Variants in TLR6 observed in about 807,000 individuals in gnomAD.
TLR6 encodes the protein toll-like receptor 6.
A neutral mutation model predicts 16.1 loss-of-function variants in TLR6; 9 were observed. The observed-to-expected ratio is 0.56, with a 90% CI of 0.34 to 0.98. TLR6 has a LOEUF of 0.98. Ranked by LOEUF, TLR6 falls within the 50% of genes least tolerant of loss-of-function variation. The probability of loss-of-function intolerance (pLI) is 0.02; values close to 1 mark genes in which losing one functional copy is unlikely to be tolerated. For missense variants in TLR6, 786 were observed against 921.0 expected (o/e 0.85, Z 1.90); for synonymous variants, 340 against 338.6 (o/e 1.00, Z -0.04).
rs5743821 is a variant in TLR6, at chr4:38,827,206, C to A, written c.2268G>T (p.Thr756=). ...TGGGCCACTGCAAATAAGTCCGCTGCGTCATGAGAGCCTTCAGCTTGTGGT... is the reference window on the plus strand; with the variant it reads ...TGGGCCACTGCAAATAAGTCCGCTGAGTCATGAGAGCCTTCAGCTTGTGGT... Residue 756 remains threonine (T), a synonymous_variant, in exon 2 of 2, where the codon ACG becomes ACT. Coordinates refer to ENST00000436693, the Ensembl canonical transcript of TLR6. The A allele has an allele frequency of 8.9e-4, 1,434 of 1,614,140 alleles. 9 individuals are homozygous for A. Among genetic ancestry groups the A allele is most frequent in the South Asian group, 6.1e-3 (553 of 91,080 alleles).
chr4:38,837,262 C>A (rs1285980014), intron 1 of TLR6, among the ~76,000 whole-genome samples: 1 of 151,996 alleles, frequency 6.6e-6, no homozygotes, highest in African/African-American at 2.4e-5. Context: ...AACCAGAAAA[C>A]ACCCCAAATA....
intron 1 of TLR6, among the ~76,000 whole-genome samples, chr4:38,834,259 A>T (rs1161650532): frequency 6.0e-5 from 9 of 149,808 alleles, no homozygotes; most frequent in African/African-American, 2.0e-4. Context: ...TATATATATA[A>T]AATTAAAAAT....
At chr4:38,861,329 C>T (rs1298537645), upstream of TLR6, among the ~76,000 whole-genome samples, 1 of 152,088 alleles carries the variant, frequency 6.6e-6, no homozygotes, top group Non-Finnish European at 1.5e-5. Flanking sequence ...TTGTCCTGCA[C>T]CCTACCTCAG....
chr4:38,862,406 G>A, the TLR6 span, among the ~76,000 whole-genome samples: 6 of 151,838 alleles, frequency 4.0e-5, no homozygotes, highest in East Asian at 5.8e-4. Context: ...TCAGCCTTCT[G>A]AGTAGCCTGG....
chr4:38,827,709 C>T (rs766531923), exon 2 of TLR6: 31 of 1,614,066 alleles, frequency 1.9e-5, no homozygotes, highest in South Asian at 6.6e-5. Flanking sequence ...CCGATGGTGA[C>T]GATCAGCAGA....
At chr4:38,855,134 C>G (rs1040349552) in intron 1 of TLR6, among the ~76,000 whole-genome samples, 1 of 151,706 alleles carries the variant, frequency 6.6e-6, no homozygotes, top group East Asian at 1.9e-4. Context: ...ATGGCGTGAA[C>G]CCGGGAGGCG....
intron 1 of TLR6, among the ~76,000 whole-genome samples, chr4:38,850,916 A>C (rs1712744487): frequency 6.6e-6 from 1 of 152,212 alleles, no homozygotes; most frequent in South Asian, 2.1e-4. Flanking sequence ...AGCCTGGCAG[A>C]GACACAACAA....
intron 1 of TLR6, among the ~76,000 whole-genome samples, chr4:38,830,825 C>A (rs979859852): frequency 4.6e-5 from 7 of 152,052 alleles, no homozygotes; most frequent in African/African-American, 1.2e-4. Context: ...AAATAAAAAT[C>A]AAAACAAAAT....
At chr4:38,846,649 G>A (rs1288785450) in intron 1 of TLR6, among the ~76,000 whole-genome samples, 1 of 152,134 alleles carries the variant, frequency 6.6e-6, no homozygotes, top group African/African-American at 2.4e-5. Flanking sequence ...ATTTAGCAAA[G>A]AAAAGTAGTA....
At chr4:38,829,804 T>C (rs1174007627) in intron 1 of TLR6, among the ~76,000 whole-genome samples, 2 of 152,244 alleles carry the variant, frequency 1.3e-5, no homozygotes, top group Non-Finnish European at 2.9e-5. Flanking sequence ...GGGCTTGCCT[T>C]TGTTTTGTAC....
chr4:38,829,062 T>G (rs371595778), exon 2 of TLR6: 2 of 1,614,062 alleles, frequency 1.2e-6, no homozygotes, highest in Admixed American at 3.3e-5. Flanking sequence ...TCCTTACAGA[T>G]GGGCAGGGCC....
At chr4:38,828,106 A>T in exon 2 of TLR6, 1 of 1,614,228 alleles carries the variant, frequency 6.2e-7, no homozygotes, top group East Asian at 2.2e-5. Context: ...TGCTGTGAAG[A>T]TCAAGTACCT....
chr4:38,848,980 G>T (rs1309246399), intron 1 of TLR6, among the ~76,000 whole-genome samples: 1 of 152,198 alleles, frequency 6.6e-6, no homozygotes, highest in Non-Finnish European at 1.5e-5. Flanking sequence ...ATAATTGTCA[G>T]ATTCGCCAAA....
chr4:38,842,059 T>C (rs958107943), intron 1 of TLR6, among the ~76,000 whole-genome samples: 2 of 152,194 alleles, frequency 1.3e-5, no homozygotes, highest in Non-Finnish European at 2.9e-5. Flanking sequence ...TTCAGGATTA[T>C]GGCACTTGGG....
intron 1 of TLR6, among the ~76,000 whole-genome samples, chr4:38,848,369 A>G (rs1159761188): frequency 6.6e-6 from 1 of 152,268 alleles, no homozygotes; most frequent in East Asian, 1.9e-4. Context: ...TCTAAAAATC[A>G]GAGCACCTCT....
At chr4:38,860,265 A>C (rs1161915155), upstream of TLR6, among the ~76,000 whole-genome samples, 1 of 152,128 alleles carries the variant, frequency 6.6e-6, no homozygotes, top group African/African-American at 2.4e-5. Flanking sequence ...TGAGGTCAGG[A>C]GTTCAAAACC....
At chr4:38,863,038 T>C in the TLR6 span, among the ~76,000 whole-genome samples, 2 of 151,038 alleles carry the variant, frequency 1.3e-5, no homozygotes, top group Non-Finnish European at 2.9e-5. Context: ...CTATCTCTAA[T>C]TGTTCTCCTC....
chr4:38,822,953 A>G (rs1727388861), downstream of TLR6, among the ~76,000 whole-genome samples: 3 of 152,254 alleles, frequency 2.0e-5, no homozygotes, highest in South Asian at 6.2e-4. Flanking sequence ...GGGAAGCCTC[A>G]CAATCATGGC....
chr4:38,843,393 C>T (rs1712372128), intron 1 of TLR6, among the ~76,000 whole-genome samples: 1 of 152,200 alleles, frequency 6.6e-6, no homozygotes, highest in South Asian at 2.1e-4. Context: ...GAGCACTGCA[C>T]ATTGCTCAGT....
Sources: gnomAD v4.1 joint callset for allele counts (sites outside exome capture counted in the v4.1 genomes callset) on GRCh38, gnomAD v4.1.1 for gene constraint, MANE v1.5 for transcripts, NCBI Gene and HGNC (gene_info 2026-07-23, HGNC 2026-07-21) for gene names.